Variants in MGAT4C observed in about 807,000 individuals in gnomAD.
MGAT4C encodes MGAT4 family member C, also known as alpha-1,3-mannosyl-glycoprotein 4-beta-N-acetylglucosaminyltransferase C.
MGAT4C carries 19 observed loss-of-function variants against 40.1 expected under a neutral mutation model. The ratio of observed to expected loss-of-function variants is 0.47; its 90% CI spans 0.33 to 0.70. MGAT4C has a LOEUF of 0.70. Ranked by LOEUF, MGAT4C falls within the 30% of genes least tolerant of loss-of-function variation. MGAT4C has a pLI of 0.02. For synonymous variants in MGAT4C, 181 were observed against 187.1 expected, an observed-to-expected ratio of 0.97 and a Z score of 0.27; for missense variants, 491 against 563.2, an observed-to-expected ratio of 0.87 and a Z score of 1.30.
chr12:86,511,962 A>C lies in MGAT4C; in HGVS notation c.-228-76697T>G, dbSNP rs142658194. ...AATTAATAGATTGAAAAGGCAATTT[A>C]TGAATTTGGAGAAAATATTTGCAAT... On this transcript the variant is annotated intron_variant, in intron 2 of 7. Coordinates refer to the MGAT4C transcript ENST00000548651. Among the ~76,000 whole-genome samples, 376 of 152,292 alleles carry C rather than the reference A, an allele frequency of 2.5e-3. 1 individual carries two copies. The highest frequency in any genetic ancestry group is 8.9e-3 in the African/African-American group (369 of 41,580).
chr12:86,438,549 A>G (rs1466989333), intron 2 of MGAT4C, among the ~76,000 whole-genome samples: 1 of 151,952 alleles, frequency 6.6e-6, no homozygotes, highest in African/African-American at 2.4e-5. Flanking sequence ...CATCCCTATA[A>G]AACAATAAAA....
intron 2 of MGAT4C, among the ~76,000 whole-genome samples, chr12:86,514,508 A>G (rs1432045535): frequency 1.3e-5 from 2 of 152,124 alleles, no homozygotes; most frequent in African/African-American, 4.8e-5. Context: ...TTCAGTTTTT[A>G]GAGGCCCCCT....
intron 2 of MGAT4C, among the ~76,000 whole-genome samples, chr12:86,035,590 A>G (rs1592740819): frequency 1.3e-5 from 2 of 149,502 alleles, no homozygotes; most frequent in East Asian, 3.9e-4. Flanking sequence ...ATTAGATCCT[A>G]TTTGTCAATT....
chr12:86,359,714 T>C (rs1219842870), intron 3 of MGAT4C, among the ~76,000 whole-genome samples: 1 of 152,068 alleles, frequency 6.6e-6, no homozygotes, highest in African/African-American at 2.4e-5. Context: ...TCTATGCAAA[T>C]AAACTAGAAA....
intron 1 of MGAT4C, among the ~76,000 whole-genome samples, chr12:86,805,225 CTTTTA>C (rs1566001823): frequency 6.6e-6 from 1 of 151,578 alleles, no homozygotes; most frequent in African/African-American, 2.4e-5. Context: ...TTGTTTTTTA[CTTTTA>C]TTTTAGATTC....
chr12:86,596,200 AAAATAAATAAAT>A, intron 2 of MGAT4C, among the ~76,000 whole-genome samples: 1 of 150,864 alleles, frequency 6.6e-6, no homozygotes, highest in South Asian at 2.1e-4. Flanking sequence ...ATCACGGATT[AAAATAAATAAAT>A]AAATAAATAA....
chr12:86,408,475 C>CTATATATATA (rs1363556793), intron 3 of MGAT4C, among the ~76,000 whole-genome samples: 6 of 104,380 alleles, frequency 5.7e-5, no homozygotes, highest in African/African-American at 1.3e-4. Flanking sequence ...CTCTCTCTCT[C>CTATATATATA]TCTCTATATA....
chr12:86,033,499 A>AT lies in MGAT4C; in HGVS notation c.-7+16174dup, dbSNP rs1481352617. On this transcript the variant is annotated intron_variant, in intron 2 of 4. Coordinates refer to ENST00000611864, the MANE Select transcript of MGAT4C (RefSeq NM_001351288.2). ...CCCTAGTTAGCTGTATTTCTAGGTA[A>AT]TTTTTTTTCTTTTTGTGGCTATTGT... Among the ~76,000 whole-genome samples, 10 of 148,510 alleles carry AT rather than the reference A, an allele frequency of 6.7e-5. 1 individual carries two copies. The highest frequency in any genetic ancestry group is 2.0e-4 in the Admixed American group (3 of 14,780).
intron 2 of MGAT4C, among the ~76,000 whole-genome samples, chr12:86,598,926 T>A (rs1961650148): frequency 6.6e-6 from 1 of 152,144 alleles, no homozygotes; most frequent in Non-Finnish European, 1.5e-5. Flanking sequence ...AGGGAAGACT[T>A]TACACACTGA....
intron 2 of MGAT4C, among the ~76,000 whole-genome samples, chr12:86,550,524 G>C (rs1592976732): frequency 6.6e-6 from 1 of 152,282 alleles, no homozygotes; most frequent in East Asian, 1.9e-4. Context: ...TGCCACCTCT[G>C]GAGTGTGCCC....
chr12:86,789,882 G>A (rs573058378), intron 1 of MGAT4C, among the ~76,000 whole-genome samples: 3 of 152,022 alleles, frequency 2.0e-5, no homozygotes, highest in African/African-American at 4.8e-5. Flanking sequence ...ATGAGAAAAC[G>A]TACACACAGA....
At chr12:86,042,565 G>A (rs1891963830) in intron 2 of MGAT4C, among the ~76,000 whole-genome samples, 1 of 152,068 alleles carries the variant, frequency 6.6e-6, no homozygotes, top group African/African-American at 2.4e-5. Flanking sequence ...CTTTGCTTAT[G>A]AAGATTAGTT....
At chr12:86,265,209 G>A (rs1349193435) in intron 4 of MGAT4C, among the ~76,000 whole-genome samples, 3 of 152,072 alleles carry the variant, frequency 2.0e-5, no homozygotes, top group Non-Finnish European at 2.9e-5. Context: ...CATGTCAGGT[G>A]TGACATCCAG....
chr12:86,259,557 T>C (rs961756432), upstream of MGAT4C, among the ~76,000 whole-genome samples: 3 of 151,548 alleles, frequency 2.0e-5, no homozygotes, highest in South Asian at 2.1e-4. Context: ...AAATGCTGCA[T>C]ATAGCTCTAA....
intron 2 of MGAT4C, among the ~76,000 whole-genome samples, chr12:86,663,109 T>A (rs2136551362): frequency 6.6e-6 from 1 of 152,068 alleles, no homozygotes; most frequent in Non-Finnish European, 1.5e-5. Context: ...ACTGTTGTAA[T>A]CTCAGCACTT....
At chr12:86,525,570 T>G (rs1257828015) in intron 2 of MGAT4C, among the ~76,000 whole-genome samples, 2 of 152,232 alleles carry the variant, frequency 1.3e-5, no homozygotes, top group Non-Finnish European at 2.9e-5. Flanking sequence ...TTCGAGGGCT[T>G]ATGTTCTTTC....
chr12:86,779,197 C>T (rs1010954008), intron 1 of MGAT4C, among the ~76,000 whole-genome samples: 4 of 151,874 alleles, frequency 2.6e-5, no homozygotes, highest in African/African-American at 9.7e-5. Flanking sequence ...ATATAAAAGA[C>T]AAAATATAAA....
At chr12:86,594,067 C>T (rs1319466633) in intron 2 of MGAT4C, among the ~76,000 whole-genome samples, 2 of 152,162 alleles carry the variant, frequency 1.3e-5, no homozygotes, top group Non-Finnish European at 2.9e-5. Flanking sequence ...TTCCAGTATA[C>T]TCCGCAGTAC....
At chr12:86,324,055 G>A (rs1038430307) in intron 4 of MGAT4C, among the ~76,000 whole-genome samples, 6 of 151,704 alleles carry the variant, frequency 4.0e-5, no homozygotes, top group East Asian at 3.9e-4. Context: ...ATTGATTACC[G>A]GAAGCATAAT....
Sources: gnomAD v4.1 joint callset for allele counts (sites outside exome capture counted in the v4.1 genomes callset) on GRCh38, gnomAD v4.1.1 for gene constraint, MANE v1.5 for transcripts, NCBI Gene and HGNC (gene_info 2026-07-23, HGNC 2026-07-21) for gene names.